CAMTA2: variants seen among roughly 807,000 people sequenced by gnomAD.
CAMTA2 encodes calmodulin-binding transcription activator 2.
Under a neutral mutation model 135.7 loss-of-function variants are expected in CAMTA2, and 56 were observed. The observed-to-expected ratio is 0.41, with a 90% CI of 0.33 to 0.52. The LOEUF (loss-of-function observed/expected upper bound fraction) is 0.52. Among genes scored for constraint, CAMTA2 ranks in the 20% least tolerant of loss-of-function variants. The pLI, the probability that CAMTA2 is intolerant of heterozygous loss-of-function variation, is 0.16. For synonymous variants in CAMTA2, 591 were observed against 604.6 expected (o/e 0.98, Z 0.33); for missense variants, 1,358 against 1,553.4 (o/e 0.87, Z 2.11).
At position 4,972,958 on chromosome 17, in the gene CAMTA2, C is replaced by T; in HGVS notation, c.2314G>A (p.Ala772Thr). 1 of 1,613,438 alleles carries T rather than the reference C, an allele frequency of 6.2e-7. No individual in the cohort carries two copies. The highest frequency in any genetic ancestry group is 8.5e-7 in the Non-Finnish European group (1 of 1,179,962). ...CGGTTCCAACGGAAAAGGAGCACAG[C>T]AGCTTCCAGGTGTCCCAGGGCACAA... is the stretch of plus-strand genomic sequence containing the variant. Reference protein sequence around the residue: ...WACALGHLEAAVLLFRWNRQA... With the variant: ...WACALGHLEATVLLFRWNRQA... The change falls in exon 15 of 23, where the codon GCT becomes ACT. Residue 772 changes from alanine (A) to threonine (T), a missense_variant. By Grantham distance (58) the Ala-to-Thr change is moderately conservative. Around this residue, in one of 4 missense-constraint regions of CAMTA2, gnomAD observed 1,077 missense variants for 1,127.5 expected, o/e 0.96. Coordinates refer to ENST00000348066, the MANE Select transcript of CAMTA2 (RefSeq NM_015099.4).
Position 4,969,839 on chromosome 17 carries a change from C to G in CAMTA2, c.3189+63G>C. The stretch of plus-strand genomic sequence containing the variant: ...CACGACTACTCATCCTCCAAAAGCC[C>G]TGGGAGCCCAGTCTCCCCTGACTGG... On this transcript the variant is annotated intron_variant, in intron 18 of 22. Coordinates refer to ENST00000348066, the MANE Select transcript of CAMTA2 (RefSeq NM_015099.4). The surrounding 1 kb of genome is among the most constrained non-coding windows in gnomAD (Gnocchi z 5.6). 5 of 1,595,804 alleles carry G rather than the reference C, an allele frequency of 3.1e-6. No homozygotes were observed. The highest frequency in any genetic ancestry group is 3.4e-6 in the Non-Finnish European group (4 of 1,165,512).
intron 11 of CAMTA2, among the ~76,000 whole-genome samples, chr17:4,975,780 G>A (rs1972574932): frequency 6.6e-6 from 1 of 152,188 alleles, no homozygotes; most frequent in South Asian, 2.1e-4. Flanking sequence ...ACACCAAGAG[G>A]AAGAGATAGA....
intron 12 of CAMTA2, 128 bp downstream of exon 12, chr17:4,974,257 G>T (rs1340378431): frequency 1.5e-6 from 1 of 664,250 alleles, no homozygotes; most frequent in Non-Finnish European, 2.7e-6. Flanking sequence ...TGACGTCAGG[G>T]AGAGGGAAGA....
At chr17:4,971,551 G>T (rs1278950986) in intron 16 of CAMTA2, among the ~76,000 whole-genome samples, 1 of 151,504 alleles carries the variant, frequency 6.6e-6, no homozygotes, top group Non-Finnish European at 1.5e-5. Context: ...TGTTATGTTG[G>T]CCAGACTGGT....
intron 1 of CAMTA2, 77 bp downstream of exon 1, chr17:4,987,516 G>A: frequency 7.0e-7 from 1 of 1,428,314 alleles, no homozygotes; most frequent in South Asian, 1.4e-5. Context: ...CTGGCGCGGC[G>A]CTCCGCGTCG....
Position 4,973,243 on chromosome 17 carries a change from T to A in CAMTA2, c.2212A>T (p.Thr738Ser). ...ETLSQWRSVE[T>S]GSLDLEQEVD... Reference sequence around the variant, plus strand: ...TCCTGCTCTAAGTCCAAGCTTCCAGTCTCCACACTCCTGGAGGGTTTGGGA... The same window carrying A: ...TCCTGCTCTAAGTCCAAGCTTCCAGACTCCACACTCCTGGAGGGTTTGGGA... The change falls in exon 14 of 23, where the codon ACT (threonine) becomes TCT (serine). Residue 738 changes from threonine to serine, a missense_variant. Thr to Ser is a moderately conservative substitution (Grantham distance 58). Around this residue, in one of 4 missense-constraint regions of CAMTA2, gnomAD observed 1,077 missense variants for 1,127.5 expected, o/e 0.96. Coordinates refer to ENST00000348066, the MANE Select transcript of CAMTA2 (RefSeq NM_015099.4). 1 of 1,613,240 alleles carries A rather than the reference T, an allele frequency of 6.2e-7. No homozygotes were observed. Among genetic ancestry groups the A allele is most frequent in the Non-Finnish European group, 8.5e-7 (1 of 1,179,468 alleles).
chr17:4,974,284 G>GGGACAGGAGAGGGAGGAGAGTCAT lies in CAMTA2; in HGVS notation c.2016+77_2016+100dup, dbSNP rs1410911934. On this transcript the variant is annotated intron_variant, in intron 12 of 22. Transcript: ENST00000348066. ...GAGGGAAGACAGGCTGAGGAGGCTG[G>GGGACAGGAGAGGGAGGAGAGTCAT]GGACAGGAGAGGGAGGAGAGTCATG... The GGGACAGGAGAGGGAGGAGAGTCAT allele has an allele frequency of 5.3e-6, 4 of 747,784 alleles. No individual in the cohort carries two copies. In the African/African-American group the frequency reaches 6.9e-5, roughly 13 times the overall value. The allele number at this position is 747,784 out of a possible 1,614,324, so 46.3% of individuals were successfully genotyped here. A position where few individuals can be genotyped will look rare whatever the true frequency, so the allele number is the denominator to read the frequency against.
At chr17:4,986,506 GAAA>G in intron 1 of CAMTA2, 2 of 547,814 alleles carry the variant, frequency 3.7e-6, no homozygotes, top group Non-Finnish European at 6.4e-6. Flanking sequence ...TGAGCAGGAA[GAAA>G]TGGGTTGGGG....
rs200839594 is a variant in CAMTA2, at chr17:4,972,444, G to A, written c.2596C>T (p.Pro866Ser). ...ATCTCAGAGGCTGGCAGAGGTGCAG[G>A]GGGGGGACTGCCATCTGGGGCACTA... ...YSSAPDGSPP[P>S]APLPASEMTM... Residue 866 changes from proline to serine, a missense_variant, in exon 16 of 23, where the codon CCT becomes TCT. Pro to Ser is a moderately conservative substitution (Grantham distance 74). Around this residue, in one of 4 missense-constraint regions of CAMTA2, gnomAD observed 1,077 missense variants for 1,127.5 expected, o/e 0.96. Transcript: ENST00000348066. 6.8e-6 allele frequency: 11 copies of A among 1,613,656 alleles called. No homozygotes were observed. The highest frequency in any genetic ancestry group is 6.6e-5 in the South Asian group (6 of 91,064).
chr17:4,985,431 T>A (rs115834515), intron 3 of CAMTA2, among the ~76,000 whole-genome samples: 2,232 of 152,242 alleles, frequency 0.015, 41 homozygotes, highest in East Asian at 0.048. Flanking sequence ...TGTCTTTTTG[T>A]TTTTGTTTTT....
At chr17:4,979,663 G>GGAGGGAA in intron 9 of CAMTA2, 21 bp downstream of exon 9, 2 of 1,510,868 alleles carry the variant, frequency 1.3e-6, no homozygotes, top group Non-Finnish European at 1.8e-6. Context: ...GGAGGAGGGA[G>GGAGGGAA]GAGGTAAGCC....
intron 1 of CAMTA2, 67 bp from the exon 2 acceptor site, chr17:4,986,353 T>C: frequency 4.5e-6 from 3 of 672,366 alleles, no homozygotes; most frequent in South Asian, 3.5e-5. Context: ...AAGTATGAGG[T>C]AGGGAGTGGG....
Position 4,980,128 on chromosome 17 carries a change from T to C in CAMTA2, c.1194A>G (p.Pro398=). The C allele has an allele frequency of 6.2e-7, 1 of 1,603,170 alleles. No homozygotes were observed. Among genetic ancestry groups the C allele is most frequent in the South Asian group, 1.1e-5 (1 of 89,488 alleles). ...GAGCGGCCTCTGCCTCGGGGAAGTC[T>C]GGGCTTACTCCCTGCCCCCCTCCAT... ...QTYGGGQGVS[P]DFPEAEAAHT... Residue 398 remains proline (P), a synonymous_variant, in exon 9 of 23, where the codon CCA becomes CCG. Transcript: ENST00000348066. The surrounding 1 kb of genome is among the most constrained non-coding windows in gnomAD (Gnocchi z 5.3).
In CAMTA2 at chr17:4,987,650, C is replaced by CCA. The variant is rs200536871; in HGVS notation, c.-123_-122insTG. 9 of 1,522,094 alleles carry CCA rather than the reference C, an allele frequency of 5.9e-6. No individual in the cohort carries two copies. Among genetic ancestry groups the CCA allele is most frequent in the Admixed American group, 2.0e-5 (1 of 49,746 alleles). The allele number at this position is 1,522,094 out of a possible 1,614,324, so 94.3% of individuals were successfully genotyped here. A position where few individuals can be genotyped will look rare whatever the true frequency, so the allele number is the denominator to read the frequency against. On this transcript the variant is annotated 5_prime_UTR_variant, in exon 1 of 23. Coordinates refer to ENST00000348066, the MANE Select transcript of CAMTA2 (RefSeq NM_015099.4). ...GCCATTCTACCCCACACCGACCCCC[C>CCA]CCAGCGCCGGCTGACAGCGGCGTCT...
chr17:4,978,671 G>T (rs17633805), intron 9 of CAMTA2, 41 bp from the exon 10 acceptor site: 6 of 1,598,618 alleles, frequency 3.8e-6, no homozygotes, highest in Non-Finnish European at 5.1e-6. Context: ...GGAGTTGGGC[G>T]TTCATCCCCT....
intron 1 of CAMTA2, chr17:4,986,857 A>G (rs1031685877): frequency 8.4e-6 from 8 of 951,552 alleles, no homozygotes; most frequent in East Asian, 2.7e-5. Context: ...CCAGATTCCC[A>G]CCCTCAGGAC....
chr17:4,970,239 G>A, intron 17 of CAMTA2, 101 bp downstream of exon 17: 2 of 1,450,346 alleles, frequency 1.4e-6, no homozygotes, highest in South Asian at 2.4e-5. Flanking sequence ...AAGGCCCTGG[G>A]GCCTCAGCCA....
At position 4,980,611 on chromosome 17, in the gene CAMTA2, G is replaced by T. The variant is rs202043119; in HGVS notation, c.711C>A (p.Ser237Arg). The change falls in exon 9 of 23, where the codon AGC (serine) becomes AGA (arginine). Residue 237 changes from serine to arginine, a missense_variant. By Grantham distance (110) the Ser-to-Arg change is moderately radical (BLOSUM62 -1). Around this residue, in one of 4 missense-constraint regions of CAMTA2, gnomAD observed 1,077 missense variants for 1,127.5 expected, o/e 0.96. Coordinates refer to ENST00000348066, the MANE Select transcript of CAMTA2 (RefSeq NM_015099.4). The surrounding 1 kb of genome is among the most constrained non-coding windows in gnomAD (Gnocchi z 5.3). ...CLCSGGLGSG[S>R]LTHKCSSTKH... ...TCGTGCTGCTGCATTTGTGGGTAAGGCTCCCAGAACCTGGAGTGGAGAGGA... is the reference window on the plus strand; with the variant it reads ...TCGTGCTGCTGCATTTGTGGGTAAGTCTCCCAGAACCTGGAGTGGAGAGGA... The T allele has an allele frequency of 1.2e-6, 2 of 1,613,830 alleles. No homozygotes were observed. Among genetic ancestry groups the T allele is most frequent in the East Asian group, 2.2e-5 (1 of 44,882 alleles).
Position 4,968,665 on chromosome 17 carries a change from G to A in CAMTA2, c.*91C>T, listed in dbSNP as rs901840552. The A allele has an allele frequency of 2.7e-6, 4 of 1,475,788 alleles. No individual in the cohort carries two copies. The Admixed American group carries it at 6.9e-5, about 25-fold the overall frequency. 91.4% of individuals were successfully genotyped at this position (1,475,788 alleles called of 1,614,324 possible). ...TCCAACAAAGGTGAACAGGAAAGCTGCCGACAGGGGCTCCCCCTGCCCCAG... is the reference window on the plus strand; with the variant it reads ...TCCAACAAAGGTGAACAGGAAAGCTACCGACAGGGGCTCCCCCTGCCCCAG... On this transcript the variant is annotated 3_prime_UTR_variant, in exon 23 of 23. Coordinates refer to ENST00000348066, the MANE Select transcript of CAMTA2 (RefSeq NM_015099.4).
Sources: gnomAD v4.1 joint callset for allele counts (sites outside exome capture counted in the v4.1 genomes callset) on GRCh38, gnomAD v4.1.1 for gene constraint, gnomAD v4.1.1 regional missense constraint, Gnocchi (gnomAD v3.1) non-coding constraint, MANE v1.5 for transcripts, NCBI Gene and HGNC (gene_info 2026-07-23, HGNC 2026-07-21) for gene names.